KANSL1: variants seen among roughly 807,000 people sequenced by gnomAD.
KANSL1 encodes MLL1/MLL complex subunit KANSL1.
In KANSL1, 22 loss-of-function variants were observed where a neutral mutation model predicts 103.6. That is an observed-to-expected ratio of 0.21 (90% CI 0.15 to 0.30). KANSL1 has a LOEUF of 0.30. Among genes scored for constraint, KANSL1 ranks in the 10% least tolerant of loss-of-function variants. The pLI is 1.00. For missense variants in KANSL1, 1,337 were observed against 1,399.8 expected, an observed-to-expected ratio of 0.96 and a Z score of 0.72; for synonymous variants, 600 against 527.6, an observed-to-expected ratio of 1.14 and a Z score of -1.88.
chr17:46,165,817 A>C (rs2045967267), intron 2 of KANSL1, among the ~76,000 whole-genome samples: 1 of 152,130 alleles, frequency 6.6e-6, no homozygotes, highest in South Asian at 2.1e-4. Flanking sequence ...GACCAAAAGC[A>C]ACAATATAGA....
chr17:46,178,916 T>C (rs2046653252), intron 1 of KANSL1, among the ~76,000 whole-genome samples: 1 of 152,248 alleles, frequency 6.6e-6, no homozygotes, highest in Non-Finnish European at 1.5e-5. Flanking sequence ...TCTATTATTC[T>C]AAATTGCACC....
intron 4 of KANSL1, among the ~76,000 whole-genome samples, chr17:46,081,226 A>G (rs1453999384): frequency 6.6e-6 from 1 of 152,208 alleles, no homozygotes; most frequent in Non-Finnish European, 1.5e-5. Context: ...AATTCTATAT[A>G]CAAATATATA....
At chr17:46,180,664 C>T (rs939129876) in intron 1 of KANSL1, among the ~76,000 whole-genome samples, 1 of 151,982 alleles carries the variant, frequency 6.6e-6, no homozygotes, top group African/African-American at 2.4e-5. Context: ...TCAGCCAGGG[C>T]GACAAAGAGA....
chr17:46,210,756 C>T lies in KANSL1; in HGVS notation c.-90+12915G>A, dbSNP rs552100721. 3.9e-5 allele frequency among the ~76,000 whole-genome samples: 6 copies of T among 152,140 alleles called. No individual in the cohort carries two copies. The East Asian group carries it at 1.2e-3, about 29-fold the overall frequency. On this transcript the variant is annotated intron_variant, in intron 1 of 14. Coordinates refer to the KANSL1 transcript ENST00000572904. ...CACACGAGTTGGAAAAATAAGGGAA[C>T]GGAGTGATGGAAAGGGTTTCTAAAT...
Position 46,030,059 on chromosome 17 carries a change from A to G in KANSL1, c.*1417T>C, listed in dbSNP as rs1315177862. 1.3e-5 allele frequency: 2 copies of G among 152,438 alleles called. No individual in the cohort carries two copies. Among genetic ancestry groups the G allele is most frequent in the Non-Finnish European group, 2.9e-5 (2 of 68,010 alleles). 9.4% of individuals were successfully genotyped at this position (152,438 alleles called of 1,614,324 possible). A position where few individuals can be genotyped will look rare whatever the true frequency, so the allele number is the denominator to read the frequency against. On this transcript the variant is annotated 3_prime_UTR_variant, in exon 15 of 15. Transcript: ENST00000432791. ...GCATTTCTATAGAACAAAGACAGCT[A>G]CATGTTTCGCTGCCATTACACAGCT...
chr17:46,090,273 A>T (rs1412597071), intron 3 of KANSL1, among the ~76,000 whole-genome samples: 1 of 152,216 alleles, frequency 6.6e-6, no homozygotes, highest in Non-Finnish European at 1.5e-5. Context: ...GGCCCTTTTG[A>T]CACCATAATT....
chr17:46,200,038 T>TACAC (rs143234563), intron 1 of KANSL1, among the ~76,000 whole-genome samples: 4,755 of 147,352 alleles, frequency 0.032, 138 homozygotes, highest in African/African-American at 0.083. Context: ...TCAATGAGTT[T>TACAC]ACACACACAC....
intron 3 of KANSL1, among the ~76,000 whole-genome samples, chr17:46,091,720 A>C (rs1172373691): frequency 6.6e-6 from 1 of 152,200 alleles, no homozygotes; most frequent in Non-Finnish European, 1.5e-5. Flanking sequence ...ACTGGTTTAT[A>C]CCCTAGGAGC....
chr17:46,058,922 C>T (rs1292381533), intron 6 of KANSL1, among the ~76,000 whole-genome samples: 6 of 151,846 alleles, frequency 4.0e-5, no homozygotes, highest in African/African-American at 9.7e-5. Flanking sequence ...CATGGTGGCA[C>T]GTGTCTGTAA....
chr17:46,124,366 C>A (rs2043421458), intron 2 of KANSL1, among the ~76,000 whole-genome samples: 1 of 152,234 alleles, frequency 6.6e-6, no homozygotes, highest in Non-Finnish European at 1.5e-5. Flanking sequence ...CCATTGAGAC[C>A]TCATGCTCAG....
chr17:46,190,789 T>C (rs2047277974), intron 1 of KANSL1, among the ~76,000 whole-genome samples: 1 of 152,288 alleles, frequency 6.6e-6, no homozygotes, highest in Admixed American at 6.5e-5. Context: ...CTTTGTTGCA[T>C]AAACCTAGTG....
chr17:46,053,660 C>T (rs1449895886), intron 6 of KANSL1, among the ~76,000 whole-genome samples: 2 of 152,244 alleles, frequency 1.3e-5, no homozygotes, highest in South Asian at 2.1e-4. Flanking sequence ...TGGTCTTGAT[C>T]TCCTGACCTC....
At chr17:46,158,422 G>A (rs935251997) in intron 2 of KANSL1, among the ~76,000 whole-genome samples, 4 of 150,728 alleles carry the variant, frequency 2.7e-5, no homozygotes, top group South Asian at 2.1e-4. Context: ...GCGGTGGCAC[G>A]ATCGATCTCG....
At chr17:46,124,866 A>T (rs911190313) in intron 2 of KANSL1, among the ~76,000 whole-genome samples, 16 of 151,918 alleles carry the variant, frequency 1.1e-4, no homozygotes, top group Admixed American at 1.0e-3. Context: ...ACAGATGCAA[A>T]GTTAAGTTGA....
At chr17:46,153,189 G>C (rs992124536) in intron 2 of KANSL1, among the ~76,000 whole-genome samples, 3 of 152,146 alleles carry the variant, frequency 2.0e-5, no homozygotes, top group South Asian at 2.1e-4. Flanking sequence ...TGCAAACAAA[G>C]ACATACATGC....
chr17:46,094,470 T>C, intron 3 of KANSL1, 90 bp downstream of exon 3: 1 of 1,418,286 alleles, frequency 7.1e-7, no homozygotes, highest in Non-Finnish European at 9.7e-7. Flanking sequence ...AGAAGAGGGT[T>C]ATGGGGGTTA....
chr17:46,061,980 T>A (rs1349063780), intron 6 of KANSL1, among the ~76,000 whole-genome samples: 1 of 151,170 alleles, frequency 6.6e-6, no homozygotes, highest in Non-Finnish European at 1.5e-5. Context: ...TGATCCCAGC[T>A]ACTCAGGAGG....
chr17:46,171,576 C>T lies in KANSL1; in HGVS notation c.568G>A (p.Gly190Arg). 1 of 1,603,758 alleles carries T rather than the reference C, an allele frequency of 6.2e-7. No homozygotes were observed. The highest frequency in any genetic ancestry group is 1.3e-5 in the African/African-American group (1 of 74,496). ...KRALTSSALH[G>R]GEMGGSESGD... The stretch of plus-strand genomic sequence containing the variant: ...GATTCAGATCCTCCCATTTCACCCC[C>T]ATGAAGAGCAGATGAAGTGAGAGCC... The change falls in exon 2 of 15, where the codon GGG becomes AGG. Residue 190 changes from glycine (G) to arginine (R), a missense_variant. By Grantham distance (125) the Gly-to-Arg change is moderately radical. Transcript: ENST00000432791.
intron 2 of KANSL1, among the ~76,000 whole-genome samples, chr17:46,166,854 T>C (rs1300472857): frequency 6.6e-6 from 1 of 152,196 alleles, no homozygotes; most frequent in Non-Finnish European, 1.5e-5. Context: ...ACAATTATTC[T>C]TGGCTGCACA....
Sources: allele counts gnomAD v4.1 joint callset (sites outside exome capture counted in the v4.1 genomes callset), GRCh38; gene constraint gnomAD v4.1.1; transcripts MANE v1.5; gene names NCBI Gene and HGNC (gene_info 2026-07-23, HGNC 2026-07-21).